Variants in AKT3 observed in about 807,000 individuals in gnomAD.
AKT3 encodes AKT serine/threonine kinase 3.
AKT3 carries 15 observed loss-of-function variants against 65.3 expected under a neutral mutation model. The ratio of observed to expected loss-of-function variants is 0.23; its 90% confidence interval spans 0.15 to 0.35. AKT3 has a LOEUF of 0.35. Among genes scored for constraint, AKT3 ranks in the 10% least tolerant of loss-of-function variants. The pLI is 1.00. For missense variants in AKT3, 243 were observed against 576.5 expected, an observed-to-expected ratio of 0.42 and a Z score of 5.92; for synonymous variants, 206 against 183.8, an observed-to-expected ratio of 1.12 and a Z score of -0.98.
chr1:243,664,185 CTTTTTTTTTTTTTTT>C (rs34578718), intron 4 of AKT3, among the ~76,000 whole-genome samples: 1 of 60,020 alleles, frequency 1.7e-5, no homozygotes, highest in Non-Finnish European at 3.0e-5. Flanking sequence ...ATAAAAATGT[CTTTTTTTTTTTTTTT>C]TTTTTTTTTT....
At chr1:243,566,063 G>A (rs1329035794) in intron 9 of AKT3, among the ~76,000 whole-genome samples, 1 of 152,062 alleles carries the variant, frequency 6.6e-6, no homozygotes, top group Admixed American at 6.6e-5. Flanking sequence ...TTGTATGCAT[G>A]GGAAAGTCTT....
At chr1:243,675,178 T>G (rs1205333389) in intron 3 of AKT3, among the ~76,000 whole-genome samples, 1 of 152,282 alleles carries the variant, frequency 6.6e-6, no homozygotes, top group South Asian at 2.1e-4. Context: ...AATAAACATA[T>G]ACAAAGACCA....
At chr1:243,617,241 A>G (rs1243593102) in intron 6 of AKT3, among the ~76,000 whole-genome samples, 1 of 151,868 alleles carries the variant, frequency 6.6e-6, no homozygotes, top group Non-Finnish European at 1.5e-5. Context: ...CAAATAGACA[A>G]AATTCTCTGC....
intron 8 of AKT3, among the ~76,000 whole-genome samples, chr1:243,597,329 AATG>A (rs1454861155): frequency 6.6e-6 from 1 of 152,232 alleles, no homozygotes; most frequent in Non-Finnish European, 1.5e-5. Flanking sequence ...CATATTTTAA[AATG>A]ATAAAATTGA....
intron 2 of AKT3, among the ~76,000 whole-genome samples, chr1:243,832,644 T>C (rs1395640514): frequency 6.6e-6 from 1 of 152,170 alleles, no homozygotes; most frequent in African/African-American, 2.4e-5. Flanking sequence ...TGTGGCTTTT[T>C]ACTCAAGGCG....
intron 12 of AKT3, among the ~76,000 whole-genome samples, chr1:243,528,055 TCTTA>T (rs1425300828): frequency 1.3e-5 from 2 of 152,120 alleles, no homozygotes; most frequent in African/African-American, 2.4e-5. Flanking sequence ...CTGGTGGGCG[TCTTA>T]CTTCTTTCCA....
At chr1:243,718,881 C>G (rs61833217) in intron 2 of AKT3, among the ~76,000 whole-genome samples, 1 of 152,064 alleles carries the variant, frequency 6.6e-6, no homozygotes, top group Non-Finnish European at 1.5e-5. Context: ...GTAAATTTCA[C>G]CTATATTTAG....
chr1:243,664,750 T>C, intron 4 of AKT3, 22 bp downstream of exon 4: 1 of 1,310,984 alleles, frequency 7.6e-7, no homozygotes, highest in Non-Finnish European at 1.0e-6. Flanking sequence ...TTTCACAAAA[T>C]GAAAACAAGT....
chr1:243,698,262 T>C (rs952320787), intron 2 of AKT3, among the ~76,000 whole-genome samples: 1 of 152,116 alleles, frequency 6.6e-6, no homozygotes, highest in Non-Finnish European at 1.5e-5. Flanking sequence ...TACAATATGC[T>C]GTAACTCTGT....
chr1:243,555,725 A>G (rs541802809), intron 10 of AKT3, among the ~76,000 whole-genome samples: 1 of 152,282 alleles, frequency 6.6e-6, no homozygotes, highest in East Asian at 1.9e-4. Context: ...ATGGTAGAGC[A>G]TATTTCAACT....
chr1:243,729,224 A>C (rs1687396185), intron 2 of AKT3, among the ~76,000 whole-genome samples: 1 of 152,196 alleles, frequency 6.6e-6, no homozygotes, highest in Non-Finnish European at 1.5e-5. Flanking sequence ...AAATAGAGGC[A>C]GTAGCAGAAT....
chr1:243,638,392 CA>C, intron 5 of AKT3, among the ~76,000 whole-genome samples: 1 of 152,212 alleles, frequency 6.6e-6, no homozygotes, highest in Middle Eastern at 3.4e-3. Flanking sequence ...TTTCTTAAGT[CA>C]GGTAATCCTG....
intron 8 of AKT3, among the ~76,000 whole-genome samples, chr1:243,598,651 C>T (rs1188945020): frequency 1.3e-5 from 2 of 152,140 alleles, no homozygotes; most frequent in African/African-American, 4.8e-5. Context: ...AAGTCTCATG[C>T]TCAACAGGCT....
intron 2 of AKT3, among the ~76,000 whole-genome samples, chr1:243,837,724 T>C (rs1413622241): frequency 1.3e-5 from 2 of 152,076 alleles, no homozygotes; most frequent in African/African-American, 2.4e-5. Flanking sequence ...GAACTAGGAA[T>C]AGTAGGGAAT....
chr1:243,757,334 T>C (rs1689199890), intron 2 of AKT3, among the ~76,000 whole-genome samples: 1 of 152,212 alleles, frequency 6.6e-6, no homozygotes, highest in Non-Finnish European at 1.5e-5. Flanking sequence ...AAAAGCATTA[T>C]GTGCTCAGTG....
At chr1:243,850,454 C>T (rs964008184), upstream of AKT3, among the ~76,000 whole-genome samples, 6 of 151,232 alleles carry the variant, frequency 4.0e-5, no homozygotes, top group Non-Finnish European at 5.9e-5. Flanking sequence ...GCCGGCGGGG[C>T]GGCGGCTCTG....
chr1:243,834,977 G>A (rs921995316), intron 2 of AKT3, among the ~76,000 whole-genome samples: 1 of 152,072 alleles, frequency 6.6e-6, no homozygotes, highest in African/African-American at 2.4e-5. Context: ...TCTCAGAAGT[G>A]GGGGCAAATA....
At chr1:243,633,704 A>ATT (rs1480393727) in intron 6 of AKT3, among the ~76,000 whole-genome samples, 1 of 152,172 alleles carries the variant, frequency 6.6e-6, no homozygotes, top group Non-Finnish European at 1.5e-5. Flanking sequence ...AAAAGAAGGC[A>ATT]TTTATGTAGA....
At chr1:243,701,929 T>G (rs752574780) in intron 2 of AKT3, among the ~76,000 whole-genome samples, 1 of 152,070 alleles carries the variant, frequency 6.6e-6, no homozygotes, top group Non-Finnish European at 1.5e-5. Flanking sequence ...AATATTTAAT[T>G]TTCATGTTTA....
Sources: allele counts gnomAD v4.1 joint callset (sites outside exome capture counted in the v4.1 genomes callset), GRCh38; gene constraint gnomAD v4.1.1; transcripts MANE v1.5; gene names NCBI Gene and HGNC (gene_info 2026-07-23, HGNC 2026-07-21).